DDB1: variants seen among roughly 807,000 people sequenced by gnomAD.
The protein encoded by DDB1 is damage specific DNA binding protein 1.
DDB1 carries 18 observed loss-of-function variants against 133.1 expected under a neutral mutation model. That is an observed-to-expected ratio of 0.14 (90% confidence interval 0.09 to 0.20). The LOEUF (loss-of-function observed/expected upper bound fraction) is 0.20. Among genes scored for constraint, DDB1 ranks in the 10% least tolerant of loss-of-function variants. The pLI is 1.00. For synonymous variants in DDB1, 580 were observed against 550.5 expected, an observed-to-expected ratio of 1.05 and a Z score of -0.75; for missense variants, 828 against 1,459.2, an observed-to-expected ratio of 0.57 and a Z score of 7.05.
intron 10 of DDB1, among the ~76,000 whole-genome samples, chr11:61,317,997 T>A (rs991858320): frequency 3.9e-5 from 6 of 152,192 alleles, no homozygotes; most frequent in African/African-American, 1.2e-4. Context: ...CACCTCAGCC[T>A]CCTGAACAGT....
chr11:61,310,369 G>A lies in DDB1; in HGVS notation c.2327C>T (p.Ala776Val), dbSNP rs763537975. ...SSSKLFSSST[A>V]PHETSFGEEV... is the part of the protein sequence containing the mutation. ...TTCTCCAAAGGAGGTCTCATGAGGA[G>A]CAGTGCTGCTGGAGAACAGCTTGCT... Residue 776 changes from alanine to valine, a missense_variant, in exon 19 of 27, where the codon GCT (alanine) becomes GTT (valine). By Grantham distance (64) the Ala-to-Val change is moderately conservative (BLOSUM62 0). Around this residue, in one of 7 missense-constraint regions of DDB1, gnomAD observed 396 missense variants for 554.1 expected, o/e 0.71. Coordinates refer to ENST00000301764, the MANE Select transcript of DDB1 (RefSeq NM_001923.5). 6.8e-6 allele frequency: 11 copies of A among 1,613,344 alleles called. No homozygotes were observed. Among genetic ancestry groups the A allele is most frequent in the East Asian group, 2.2e-5 (1 of 44,892 alleles).
chr11:61,303,818 C>G, intron 22 of DDB1, 47 bp downstream of exon 22: 1 of 1,599,728 alleles, frequency 6.3e-7, no homozygotes, highest in African/African-American at 1.3e-5. Context: ...CTTGCAGGGG[C>G]GGTGGCTCAA....
chr11:61,314,316 C>T lies in DDB1; in HGVS notation c.1581G>A (p.Arg527=). ...CAGAAAAACACACACACCTGATCTG[C>T]CGGAGCTCCTGAGGATGGATCTGCA... ...YYLQIHPQEL[R]QISHTEMEHE... The change falls in exon 13 of 27, where the codon CGG becomes CGA. Residue 527 remains arginine (R), a synonymous_variant. Coordinates refer to ENST00000301764, the MANE Select transcript of DDB1 (RefSeq NM_001923.5). 6.2e-7 allele frequency: 1 copy of T among 1,610,848 alleles called. No individual in the cohort carries two copies. Among genetic ancestry groups the T allele is most frequent in the Non-Finnish European group, 8.5e-7 (1 of 1,178,782 alleles).
At chr11:61,307,166 G>A (rs1300617847) in intron 21 of DDB1, among the ~76,000 whole-genome samples, 1 of 152,198 alleles carries the variant, frequency 6.6e-6, no homozygotes, top group Non-Finnish European at 1.5e-5. Flanking sequence ...ACATGCAGCA[G>A]TGTTTCCCAG....
rs1229210719 is a variant in DDB1 at position 61,324,007 on chromosome 11, T to C, written c.893A>G (p.Lys298Arg). ...EEQMDGTVTL[K>R]DLRVELLGET... ...TCCAAGGAGTTCTACACGGAGATCC[T>C]TGAGAGTGACGGTGCCATCCATCTG... Residue 298 changes from lysine to arginine, a missense_variant, in exon 7 of 27, where the codon AAG becomes AGG. Around this residue, in one of 7 missense-constraint regions of DDB1, gnomAD observed 35 missense variants for 57.5 expected, o/e 0.61. Transcript: ENST00000301764. 18 of 1,613,328 alleles carry C rather than the reference T, an allele frequency of 1.1e-5. No homozygotes were observed. The highest frequency in any genetic ancestry group is 1.4e-5 in the Non-Finnish European group (17 of 1,179,736).
At chr11:61,300,961 T>G in intron 25 of DDB1, 29 bp from the exon 26 acceptor site, 1 of 1,613,120 alleles carries the variant, frequency 6.2e-7, no homozygotes, top group Non-Finnish European at 8.5e-7. Context: ...GAACACGTGC[T>G]TATCAGGAAA....
chr11:61,314,148 C>A lies in DDB1; in HGVS notation c.1652G>T (p.Gly551Val). ...GCCAATGGCACAAAGAGGGGACAGT[C>A]CATTGCTGTCTCCTAATGGGGTGAT... is the stretch of plus-strand genomic sequence containing the variant. ...LDITPLGDSNGLSPLCAIGLW... is the reference protein window; with the variant it reads ...LDITPLGDSNVLSPLCAIGLW... The change falls in exon 14 of 27, where the codon GGA (glycine) becomes GTA (valine). Residue 551 changes from glycine (G) to valine (V), a missense_variant. Gly to Val is a moderately radical substitution (Grantham distance 109). Transcript: ENST00000301764. 4.3e-6 allele frequency: 7 copies of A among 1,613,902 alleles called. No homozygotes were observed. Among genetic ancestry groups the A allele is most frequent in the Non-Finnish European group, 5.9e-6 (7 of 1,179,908 alleles).
Position 61,310,426 on chromosome 11 carries a change from CAG to C in DDB1, c.2278-10_2278-9del. The C allele has an allele frequency of 4.4e-6, 7 of 1,594,536 alleles. No homozygotes were observed. The highest frequency in any genetic ancestry group is 1.7e-4 in the Middle Eastern group (1 of 5,782). On this transcript the variant is annotated splice_polypyrimidine_tract_variant and intron_variant, in intron 18 of 26. Transcript: ENST00000301764. ...TACACTGCTGGACAGAGCCTGCAAA[CAG>C]AGAGAATGCACATCATCCTTCTCAA...
chr11:61,311,702 C>T (rs1855973745), intron 18 of DDB1, 82 bp downstream of exon 18: 1 of 1,289,478 alleles, frequency 7.8e-7, no homozygotes. Context: ...CCTGCAAAGC[C>T]GAAAGCCTTC....
In DDB1 at chr11:61,302,040, G is replaced by A. The variant is rs28720352; in HGVS notation, c.3215+217C>T. ...ATGTACATTTCCAAGATGGACCAGC[G>A]GAAGCTAGGTGATAAGTACTTTGGG... is the stretch of plus-strand genomic sequence containing the variant. On this transcript the variant is annotated intron_variant, in intron 25 of 26. Transcript: ENST00000301764. The A allele has an allele frequency of 2.6e-3, 1,161 of 450,212 alleles. 2 individuals carry two copies. Among genetic ancestry groups the A allele is most frequent in the Middle Eastern group, 5.5e-3 (9 of 1,642 alleles). The allele number at this position is 450,212 out of a possible 1,614,324, so 27.9% of individuals were successfully genotyped here.
intron 12 of DDB1, chr11:61,315,823 T>G (rs1310277667): frequency 6.5e-6 from 1 of 154,862 alleles, no homozygotes; most frequent in Non-Finnish European, 1.4e-5. Context: ...TAAGCTTCGG[T>G]TATAATTAGT....
At position 61,330,051 on chromosome 11, in the gene DDB1, A is replaced by G; in HGVS notation, c.234T>C (p.Phe78=). The change falls in exon 3 of 27, where the codon TTT becomes TTC. Residue 78 remains phenylalanine (F), a synonymous_variant. Transcript: ENST00000301764. The part of the protein sequence containing the change: ...RPKGESKDLL[F]ILTAKYNACI... ...AGGCATTGTACTTCGCTGTCAAGAT[A>G]AACAGCAGGTCCTTGCTCTCCCCCT... 6.2e-7 allele frequency: 1 copy of G among 1,613,712 alleles called. No individual in the cohort carries two copies.
chr11:61,314,342 G>A lies in DDB1; in HGVS notation c.1555C>T (p.Leu519=), dbSNP rs1183629594. The change falls in exon 13 of 27, where the codon CTG becomes TTG. Residue 519 remains leucine, a synonymous_variant. Coordinates refer to ENST00000301764, the MANE Select transcript of DDB1 (RefSeq NM_001923.5). The part of the protein sequence containing the change: ...VVAVGRALYY[L]QIHPQELRQI... ...CGGAGCTCCTGAGGATGGATCTGCA[G>A]ATAGTAGAGGGCCCTGCCTACAGCC... The A allele has an allele frequency of 2.5e-6, 4 of 1,613,912 alleles. No individual in the cohort carries two copies. The South Asian group carries it at 3.3e-5, about 13-fold the overall frequency.
rs1397945439 is a variant in DDB1, at chr11:61,303,913, G to A, written c.2784C>T (p.Arg928=). Residue 928 remains arginine (R), a synonymous_variant, in exon 22 of 27, where the codon CGC becomes CGT. Coordinates refer to ENST00000301764, the MANE Select transcript of DDB1 (RefSeq NM_001923.5). ...GDFILVGDLM[R]SVLLLAYKPM... is the part of the protein sequence containing the mutation. ...GCTTGTAGGCAAGCAGCAGCACTGA[G>A]CGCATAAGGTCGCCCACCAGGATGA... 2 of 1,614,000 alleles carry A rather than the reference G, an allele frequency of 1.2e-6. No homozygotes were observed. Among genetic ancestry groups the A allele is most frequent in the African/African-American group, 1.3e-5 (1 of 74,964 alleles).
At chr11:61,316,711 C>A in intron 10 of DDB1, 144 bp from the exon 11 acceptor site, 1 of 858,874 alleles carries the variant, frequency 1.2e-6, no homozygotes, top group East Asian at 2.6e-5. Flanking sequence ...TGCTTGGAAC[C>A]AGGAGTTCTA....
intron 7 of DDB1, chr11:61,323,642 G>A: frequency 3.6e-6 from 1 of 279,108 alleles, no homozygotes; most frequent in Non-Finnish European, 6.9e-6. Flanking sequence ...CGAACTCCTG[G>A]GGCTCACACA....
chr11:61,329,689 T>G, intron 3 of DDB1, 105 bp from the exon 4 acceptor site: 1 of 1,074,054 alleles, frequency 9.3e-7, no homozygotes, highest in Non-Finnish European at 1.3e-6. Context: ...GTATTAAAAC[T>G]AATGGATCTA....
At chr11:61,319,726 G>A (rs28720294) in intron 10 of DDB1, among the ~76,000 whole-genome samples, 8 of 152,266 alleles carry the variant, frequency 5.3e-5, no homozygotes, top group Admixed American at 1.3e-4. Context: ...CATTGCGCCC[G>A]GCCTCTCATT....
intron 10 of DDB1, among the ~76,000 whole-genome samples, chr11:61,318,174 T>G (rs1856121685): frequency 6.6e-6 from 1 of 152,264 alleles, no homozygotes. Flanking sequence ...ACACAGTATT[T>G]AATTGTGTAA....
Sources: gnomAD v4.1 joint callset for allele counts (sites outside exome capture counted in the v4.1 genomes callset) on GRCh38, gnomAD v4.1.1 for gene constraint, gnomAD v4.1.1 regional missense constraint, MANE v1.5 for transcripts, NCBI Gene and HGNC (gene_info 2026-07-23, HGNC 2026-07-21) for gene names.